DRC7: variants seen among roughly 807,000 people sequenced by gnomAD.
DRC7 encodes dynein regulatory complex subunit 7.
Under a neutral mutation model 104.4 loss-of-function variants are expected in DRC7, and 80 were observed. The observed-to-expected ratio is 0.77, with a 90% CI of 0.64 to 0.92. The LOEUF is 0.92. Among genes scored for constraint, DRC7 ranks in the 40% least tolerant of loss-of-function variants. The probability of loss-of-function intolerance (pLI) is 0.00; values close to 1 mark genes in which losing one functional copy is unlikely to be tolerated. For missense variants in DRC7, 1,034 were observed against 1,141.1 expected (o/e 0.91, Z 1.35); for synonymous variants, 405 against 447.3 (o/e 0.91, Z 1.19).
intron 9 of DRC7, among the ~76,000 whole-genome samples, chr16:57,720,816 TATCC>T (rs1597807672): frequency 6.6e-6 from 1 of 152,256 alleles, no homozygotes; most frequent in East Asian, 1.9e-4. Flanking sequence ...GAGAAAGTCT[TATCC>T]AAGTTTCTGT....
chr16:57,702,763 T>C (rs1231121559), intron 6 of DRC7, among the ~76,000 whole-genome samples: 2 of 152,006 alleles, frequency 1.3e-5, no homozygotes, highest in African/African-American at 4.8e-5. Flanking sequence ...GATTGCGCCA[T>C]TGCACTCCAG....
chr16:57,718,286 G>A, intron 8 of DRC7, 61 bp from the exon 9 acceptor site: 1 of 1,584,072 alleles, frequency 6.3e-7, no homozygotes, highest in Non-Finnish European at 8.6e-7. Flanking sequence ...ACTCCCCATG[G>A]ATCAGGTGGG....
intron 6 of DRC7, 54 bp downstream of exon 6, chr16:57,702,184 C>A: frequency 6.3e-7 from 1 of 1,580,994 alleles, no homozygotes. Flanking sequence ...ATTCCCGGTG[C>A]TGTCGTGCCA....
chr16:57,721,645 C>A (rs1160617240), intron 9 of DRC7, 22 bp from the exon 10 acceptor site: 1 of 1,598,460 alleles, frequency 6.3e-7, no homozygotes, highest in Admixed American at 1.7e-5. Context: ...ACCACCTCCC[C>A]CACCCCCTTC....
rs182818621 is a variant in DRC7 at position 57,710,987 on chromosome 16, G to A, written c.1077+3309G>A. ...CAGGTTTTGGTATCACAGTAATGCT[G>A]GCCTCATGGAATGAGTTGGGAAGTT... On this transcript the variant is annotated intron_variant, in intron 8 of 18. Coordinates refer to ENST00000360716, the MANE Select transcript of DRC7 (RefSeq NM_001289162.2). Among the ~76,000 whole-genome samples, 7 of 152,304 alleles carry A rather than the reference G, an allele frequency of 4.6e-5. No individual in the cohort carries two copies. The East Asian group carries it at 1.3e-3, about 29-fold the overall frequency.
chr16:57,697,624 C>T (rs1855341060), intron 2 of DRC7, among the ~76,000 whole-genome samples: 1 of 152,042 alleles, frequency 6.6e-6, no homozygotes, highest in South Asian at 2.1e-4. Context: ...AAAAGCAAAT[C>T]GACACGTGCC....
rs775930535 is a variant in DRC7 at position 57,707,668 on chromosome 16, ACT to A, written c.1068_1069del (p.Asn356LysfsTer8). 1.9e-5 allele frequency: 31 copies of A among 1,613,040 alleles called. No individual in the cohort carries two copies. The highest frequency in any genetic ancestry group is 2.5e-6 in the Non-Finnish European group (3 of 1,179,926). On this transcript the variant is annotated frameshift_variant, in exon 8 of 19. Transcript: ENST00000360716. LOFTEE classifies it high-confidence loss of function. ...TGGATCAACATGCAGGATTGCTGGA[ACT>A]GCTGCAAGGTGCCTAGGGAGGGGGA...
At position 57,727,237 on chromosome 16, in the gene DRC7, C is replaced by T. The variant is rs572663252; in HGVS notation, c.2086-62C>T. On this transcript the variant is annotated intron_variant, in intron 15 of 18. Coordinates refer to ENST00000360716, the MANE Select transcript of DRC7 (RefSeq NM_001289162.2). ...CTGCCCTCCTTGGCTTCCCAAAGTG[C>T]TGGGGTTACAGGAGTGGAGGAGGGG... 1.0e-5 allele frequency: 14 copies of T among 1,363,702 alleles called. No homozygotes were observed. In the East Asian group the frequency reaches 2.3e-4, roughly 22 times the overall value. 84.5% of individuals were successfully genotyped at this position (1,363,702 alleles called of 1,614,324 possible). A position where few individuals can be genotyped will look rare whatever the true frequency, so the allele number is the denominator to read the frequency against.
intron 1 of DRC7, among the ~76,000 whole-genome samples, chr16:57,696,144 C>G: frequency 6.6e-6 from 1 of 152,172 alleles, no homozygotes; most frequent in East Asian, 1.9e-4. Context: ...ATGGAAAGAC[C>G]CCAGCTGGGA....
At position 57,728,447 on chromosome 16, in the gene DRC7, GC is replaced by G; in HGVS notation, c.2258del (p.Pro753HisfsTer12). 1 of 1,611,946 alleles carries G rather than the reference GC, an allele frequency of 6.2e-7. No homozygotes were observed. Among genetic ancestry groups the G allele is most frequent in the South Asian group, 1.1e-5 (1 of 90,948 alleles). On this transcript the variant is annotated frameshift_variant, in exon 17 of 19. Transcript: ENST00000360716. LOFTEE classifies it high-confidence loss of function. ...GGTGGAGACCCAGCTGGACTACCTG[GC>G]CCCATTCCTGGCCCAGCTCCCGCCA... ...RQVETQLDYL[A>X]PFLAQLPPGE...
At chr16:57,700,518 A>T (rs1379536387) in intron 5 of DRC7, among the ~76,000 whole-genome samples, 1 of 152,078 alleles carries the variant, frequency 6.6e-6, no homozygotes, top group African/African-American at 2.4e-5. Context: ...GTGGTGGCAC[A>T]TGCCTGTAAT....
At chr16:57,730,547 C>T (rs1447886337) in intron 17 of DRC7, among the ~76,000 whole-genome samples, 5 of 152,000 alleles carry the variant, frequency 3.3e-5, no homozygotes, top group South Asian at 2.1e-4. Context: ...ATGTAGTTCC[C>T]GTGCACTACT....
In DRC7 at chr16:57,701,815, C is replaced by T. The variant is rs367805450; in HGVS notation, c.505-121C>T. On this transcript the variant is annotated intron_variant, in intron 5 of 18. Transcript: ENST00000360716. ...CCCCACAAGGGTTAGGGGCCCAAAG[C>T]AGGTCCAGCCTGTGCATTGGTCCTG... 2.7e-5 allele frequency: 21 copies of T among 782,636 alleles called. 1 individual carries two copies. The South Asian group carries it at 3.5e-4, about 13-fold the overall frequency. 48.5% of individuals were successfully genotyped at this position (782,636 alleles called of 1,614,324 possible).
rs747083061 is a variant in DRC7 at position 57,722,847 on chromosome 16, G to A, written c.1408+6G>A. The A allele has an allele frequency of 1.9e-6, 3 of 1,613,730 alleles. No homozygotes were observed. The highest frequency in any genetic ancestry group is 2.2e-5 in the East Asian group (1 of 44,878). ...CACCTATGAGGACTTGCAGTGTAAG[G>A]GGGATTGCTCTGGACATGGGTCCAG... On this transcript the variant is annotated splice_donor_region_variant and intron_variant, in intron 11 of 18. Transcript: ENST00000360716.
rs765572279 is a variant in DRC7 at position 57,698,880 on chromosome 16, C to T, written c.234C>T (p.Ser78=). ...PAFTKDTIDI[S]KLPISYKTNT... is the part of the protein sequence containing the mutation. ...TTACCAAGGACACTATTGACATCTC[C>T]AAGCTGCCCATTTCCTACAAAACCA... is the stretch of plus-strand genomic sequence containing the variant. Residue 78 remains serine (S), a synonymous_variant, in exon 4 of 19, where the codon TCC becomes TCT. Coordinates refer to ENST00000360716, the MANE Select transcript of DRC7 (RefSeq NM_001289162.2). 1.9e-6 allele frequency: 3 copies of T among 1,613,964 alleles called. No individual in the cohort carries two copies. In the East Asian group the frequency reaches 6.7e-5, roughly 36 times the overall value.
At chr16:57,720,167 C>T (rs1399307869) in intron 9 of DRC7, among the ~76,000 whole-genome samples, 1 of 152,168 alleles carries the variant, frequency 6.6e-6, no homozygotes, top group African/African-American at 2.4e-5. Context: ...AATATTATCC[C>T]ATTTTACCGA....
chr16:57,705,118 G>A, intron 7 of DRC7, 84 bp downstream of exon 7: 1 of 1,464,518 alleles, frequency 6.8e-7, no homozygotes, highest in Non-Finnish European at 9.1e-7. Flanking sequence ...GGTCATGGAG[G>A]GGATGTGTGT....
Position 57,718,240 on chromosome 16 carries a change from C to T in DRC7, c.1078-107C>T, listed in dbSNP as rs149761449. On this transcript the variant is annotated intron_variant, in intron 8 of 18. Coordinates refer to ENST00000360716, the MANE Select transcript of DRC7 (RefSeq NM_001289162.2). Reference sequence around the variant, plus strand: ...GTTCTGCTTCCCCAAGCCCTGGGCCCAGGTCCCTTCTCTGCCCCGGAGTAG... The same window carrying T: ...GTTCTGCTTCCCCAAGCCCTGGGCCTAGGTCCCTTCTCTGCCCCGGAGTAG... 256 of 1,432,826 alleles carry T rather than the reference C, an allele frequency of 1.8e-4. 1 individual carries two copies. In the East Asian group the frequency reaches 5.7e-3, roughly 32 times the overall value. The allele number at this position is 1,432,826 out of a possible 1,614,324, so 88.8% of individuals were successfully genotyped here.
chr16:57,729,708 T>TG (rs1334153418), intron 17 of DRC7, among the ~76,000 whole-genome samples: 15 of 53,610 alleles, frequency 2.8e-4, no homozygotes, highest in Non-Finnish European at 4.0e-4. Context: ...GATGGATGGA[T>TG]GATGGATGGA....
Sources: gnomAD v4.1 joint callset for allele counts (sites outside exome capture counted in the v4.1 genomes callset) on GRCh38, gnomAD v4.1.1 for gene constraint, MANE v1.5 for transcripts, NCBI Gene and HGNC (gene_info 2026-07-23, HGNC 2026-07-21) for gene names.